Variants in AMMECR1 observed in about 807,000 individuals in gnomAD.
AMMECR1 encodes nuclear protein AMMECR1.
AMMECR1 carries 3 observed loss-of-function variants against 22.5 expected under a neutral mutation model. The ratio of observed to expected loss-of-function variants is 0.13; its 90% confidence interval spans 0.06 to 0.35. The LOEUF (loss-of-function observed/expected upper bound fraction) is 0.35. Ranked by LOEUF, AMMECR1 falls within the 10% of genes least tolerant of loss-of-function variation. The probability of loss-of-function intolerance (pLI) is 1.00; values close to 1 mark genes in which losing one functional copy is unlikely to be tolerated. For synonymous variants in AMMECR1, 130 were observed against 116.7 expected (o/e 1.11, Z -0.74); for missense variants, 235 against 278.7 (o/e 0.84, Z 1.12).
At position 110,392,916 on chromosome X, in the gene AMMECR1, C is replaced by T. The variant is rs778080466; in HGVS notation, c.-148+33742G>A. 6.3e-5 allele frequency among the ~76,000 whole-genome samples: 7 copies of T among 111,936 alleles called. 1 individual carries two copies. Among genetic ancestry groups the T allele is most frequent in the Non-Finnish European group, 1.3e-4 (7 of 53,169 alleles). On this transcript the variant is annotated intron_variant, in intron 2 of 7. Coordinates refer to the AMMECR1 transcript ENST00000372057. ...ATGTGAGTTTGAGTGTTTGAGCTGGCGTTGTGAGTTTGTGGGTGGATTAGA... is the reference window on the plus strand; with the variant it reads ...ATGTGAGTTTGAGTGTTTGAGCTGGTGTTGTGAGTTTGTGGGTGGATTAGA...
chrX:110,367,078 C>G (rs940038005), intron 2 of AMMECR1, among the ~76,000 whole-genome samples: 4 of 112,156 alleles, frequency 3.6e-5, no homozygotes, highest in African/African-American at 1.3e-4. Context: ...AGCGAACCAT[C>G]TGGGATTCCA....
At chrX:110,418,500 C>T (rs1362499848) in intron 2 of AMMECR1, among the ~76,000 whole-genome samples, 1 of 111,865 alleles carries the variant, frequency 8.9e-6, no homozygotes, top group African/African-American at 3.3e-5. Context: ...TGATCAGGGC[C>T]AAATGAGTTT....
At chrX:110,351,275 G>A (rs777633690) in intron 2 of AMMECR1, among the ~76,000 whole-genome samples, 2 of 111,540 alleles carry the variant, frequency 1.8e-5, no homozygotes, top group East Asian at 5.6e-4. Flanking sequence ...AAATGCAAGG[G>A]CTCCAGAATA....
At chrX:110,219,720 T>A in intron 2 of AMMECR1, 1 of 403,423 alleles carries the variant, frequency 2.5e-6, no homozygotes, top group Non-Finnish European at 3.1e-6. Flanking sequence ...GATTCAAACA[T>A]ACTGATTTCA....
At chrX:110,296,225 G>A (rs1416359596) in intron 1 of AMMECR1, among the ~76,000 whole-genome samples, 1 of 111,978 alleles carries the variant, frequency 8.9e-6, no homozygotes, top group Non-Finnish European at 1.9e-5. Flanking sequence ...TTTTGAATAT[G>A]TCATCCCACT....
intron 2 of AMMECR1, among the ~76,000 whole-genome samples, chrX:110,260,931 C>G (rs2148196603): frequency 8.9e-6 from 1 of 112,142 alleles, no homozygotes; most frequent in African/African-American, 3.2e-5. Context: ...GTGAAATAAG[C>G]TAGTCACAAA....
At chrX:110,309,875 C>T (rs1236072940) in intron 1 of AMMECR1, among the ~76,000 whole-genome samples, 1 of 112,585 alleles carries the variant, frequency 8.9e-6, no homozygotes, top group East Asian at 2.8e-4. Context: ...CCTGAGATGG[C>T]CTGCCACGAG....
chrX:110,266,798 T>A (rs1397478110), intron 1 of AMMECR1, among the ~76,000 whole-genome samples: 1 of 109,686 alleles, frequency 9.1e-6, no homozygotes, highest in Non-Finnish European at 1.9e-5. Flanking sequence ...CATCAATCCA[T>A]CACCTACATT....
intron 2 of AMMECR1, among the ~76,000 whole-genome samples, chrX:110,376,018 A>G (rs1340472035): frequency 9.0e-6 from 1 of 111,651 alleles, no homozygotes; most frequent in African/African-American, 3.3e-5. Flanking sequence ...AGGTAGTCAC[A>G]TTCTCATTTT....
intron 2 of AMMECR1, among the ~76,000 whole-genome samples, chrX:110,236,220 C>T (rs1045337850): frequency 1.9e-4 from 21 of 111,762 alleles, no homozygotes; most frequent in African/African-American, 6.5e-4. Context: ...GTGCCAAGCA[C>T]GAGTATACAT....
chrX:110,288,119 C>A (rs1442077031), intron 1 of AMMECR1, among the ~76,000 whole-genome samples: 1 of 111,842 alleles, frequency 8.9e-6, no homozygotes, highest in Non-Finnish European at 1.9e-5. Flanking sequence ...AGAAAGAGGA[C>A]CATGACTGCA....
chrX:110,348,273 A>G (rs1400027798), intron 2 of AMMECR1, among the ~76,000 whole-genome samples: 2 of 111,663 alleles, frequency 1.8e-5, no homozygotes, highest in African/African-American at 6.5e-5. Context: ...CTTCTTTTTC[A>G]TTTATTCTTT....
In AMMECR1 at chrX:110,421,065, A is replaced by G. The variant is rs564530770; in HGVS notation, c.-148+5593T>C. On this transcript the variant is annotated intron_variant, in intron 2 of 7. Coordinates refer to the AMMECR1 transcript ENST00000372057. ...AAAAGGCAATCATGATATGCTGGTC[A>G]TTTAACACAGCTGGGAATGCAACTG... Among the ~76,000 whole-genome samples the G allele has an allele frequency of 2.7e-5, 3 of 112,352 alleles. No individual in the cohort carries two copies. The South Asian group carries it at 1.1e-3, about 42-fold the overall frequency.
At chrX:110,249,059 A>G (rs1445361612) in intron 2 of AMMECR1, among the ~76,000 whole-genome samples, 1 of 111,786 alleles carries the variant, frequency 8.9e-6, no homozygotes, top group Non-Finnish European at 1.9e-5. Flanking sequence ...CTGGGAGGAT[A>G]GCTGTGAAGA....
intron 2 of AMMECR1, among the ~76,000 whole-genome samples, chrX:110,231,342 G>A (rs919411408): frequency 1.8e-5 from 2 of 112,424 alleles, no homozygotes; most frequent in Non-Finnish European, 3.8e-5. Flanking sequence ...CAAGACAGAA[G>A]AGAGTGGGGG....
At chrX:110,381,631 A>G (rs1235951830) in intron 2 of AMMECR1, among the ~76,000 whole-genome samples, 1 of 111,901 alleles carries the variant, frequency 8.9e-6, no homozygotes, top group Non-Finnish European at 1.9e-5. Flanking sequence ...TTGTATGTTC[A>G]TCGCAGCACT....
rs747852575 is a variant in AMMECR1 at position 110,198,411 on chromosome X, C to G, written c.*109G>C. 2 of 392,875 alleles carry G rather than the reference C, an allele frequency of 5.1e-6. No individual in the cohort carries two copies. Among genetic ancestry groups the G allele is most frequent in the East Asian group, 8.5e-5 (2 of 23,590 alleles). The allele number at this position is 392,875 out of a possible 1,213,427, so 32.4% of individuals were successfully genotyped here. A position where few individuals can be genotyped will look rare whatever the true frequency, so the allele number is the denominator to read the frequency against. On this transcript the variant is annotated 3_prime_UTR_variant, in exon 6 of 6. Coordinates refer to ENST00000262844, the MANE Select transcript of AMMECR1 (RefSeq NM_015365.3). Reference sequence around the variant, plus strand: ...CGAAGCTTCACCATGGCAACGGAAACTATCATCATAAAATGGTACAGTAAA... The same window carrying G: ...CGAAGCTTCACCATGGCAACGGAAAGTATCATCATAAAATGGTACAGTAAA...
intron 3 of AMMECR1, among the ~76,000 whole-genome samples, chrX:110,216,192 C>A (rs1237769350): frequency 9.0e-6 from 1 of 111,645 alleles, no homozygotes; most frequent in Non-Finnish European, 1.9e-5. Flanking sequence ...TACCAGAGTG[C>A]ACCAGAATGA....
intron 2 of AMMECR1, among the ~76,000 whole-genome samples, chrX:110,404,864 G>A (rs1411955386): frequency 9.0e-6 from 1 of 111,395 alleles, no homozygotes; most frequent in Admixed American, 9.5e-5. Context: ...TCACTCAGAG[G>A]CAAAATGTGT....
Sources: gnomAD v4.1 joint callset for allele counts (sites outside exome capture counted in the v4.1 genomes callset) on GRCh38, gnomAD v4.1.1 for gene constraint, MANE v1.5 for transcripts, NCBI Gene and HGNC (gene_info 2026-07-23, HGNC 2026-07-21) for gene names.